Variants in AIFM1 observed in about 807,000 individuals in gnomAD.
AIFM1 encodes apoptosis-inducing factor 1, mitochondrial.
A neutral mutation model predicts 51.7 loss-of-function variants in AIFM1; 3 were observed. That is an observed-to-expected ratio of 0.06 (90% CI 0.03 to 0.15). The LOEUF (loss-of-function observed/expected upper bound fraction) is 0.15. Among genes scored for constraint, AIFM1 ranks in the 10% least tolerant of loss-of-function variants. AIFM1 has a pLI of 1.00. For missense variants in AIFM1, 330 were observed against 476.8 expected, an observed-to-expected ratio of 0.69 and a Z score of 2.87; for synonymous variants, 178 against 179.4, an observed-to-expected ratio of 0.99 and a Z score of 0.06.
chrX:130,137,525 T>C lies in AIFM1; in HGVS notation c.968-340A>G, dbSNP rs935187661. ...TGAAAAGATGCCCTGATTTCATATATCTGAAAAAGAACATTAAGAAAACTA... is the reference window on the plus strand; with the variant it reads ...TGAAAAGATGCCCTGATTTCATATACCTGAAAAAGAACATTAAGAAAACTA... On this transcript the variant is annotated intron_variant, in intron 9 of 15. Coordinates refer to ENST00000287295, the MANE Select transcript of AIFM1 (RefSeq NM_004208.4). The C allele has an allele frequency of 1.7e-6, 2 of 1,164,590 alleles. No homozygotes were observed. Among genetic ancestry groups the C allele is most frequent in the Non-Finnish European group, 2.3e-6 (2 of 872,356 alleles).
chrX:130,158,704 T>TAAAAAAAAAAAAAAAAAA (rs56253125), intron 1 of AIFM1, among the ~76,000 whole-genome samples: 1 of 44,078 alleles, frequency 2.3e-5, no homozygotes, highest in African/African-American at 8.9e-5. Context: ...GCTGATGAGC[T>TAAAAAAAAAAAAAAAAAA]AAAAAAAAAA....
chrX:130,137,280 A>G lies in AIFM1; in HGVS notation c.968-95T>C. The G allele has an allele frequency of 5.8e-6, 7 of 1,201,664 alleles. No homozygotes were observed. In the South Asian group the frequency reaches 8.9e-5, roughly 15 times the overall value. ...AAAGGAGCAGCAGGCAGCCCTCACT[A>G]CAGACAGGGCAGAGCTGCAATCCAG... On this transcript the variant is annotated intron_variant, in intron 9 of 15. Transcript: ENST00000287295.
intron 1 of AIFM1, among the ~76,000 whole-genome samples, chrX:130,156,951 T>A (rs2031186246): frequency 8.9e-6 from 1 of 111,780 alleles, no homozygotes; most frequent in Non-Finnish European, 1.9e-5. Flanking sequence ...TAGGTAGATA[T>A]ACAAAGTTAA....
At chrX:130,152,751 T>A (rs1364620555) in intron 2 of AIFM1, among the ~76,000 whole-genome samples, 3 of 111,743 alleles carry the variant, frequency 2.7e-5, no homozygotes, top group Non-Finnish European at 5.6e-5. Context: ...CTCACATCAA[T>A]GCGAATCAGA....
chrX:130,148,052 A>C, intron 3 of AIFM1, 176 bp from the exon 4 acceptor site: 1 of 564,641 alleles, frequency 1.8e-6, no homozygotes, highest in Non-Finnish European at 2.9e-6. Flanking sequence ...AGGAAAAGCA[A>C]GTATCCCTTT....
intron 6 of AIFM1, among the ~76,000 whole-genome samples, chrX:130,143,344 C>T (rs1477981367): frequency 8.9e-6 from 1 of 112,218 alleles, no homozygotes; most frequent in East Asian, 2.8e-4. Context: ...TGAATTTTAT[C>T]TTCCCCCTTA....
Position 130,150,992 on chromosome X carries a change from AAAAG to A in AIFM1, c.250-1428_250-1425del, listed in dbSNP as rs1382894691. ...GACTCTGTCTCAAAAAAAAAAAAAA[AAAAG>A]AAAAGAAAAACCTACAATGCTTTTG... On this transcript the variant is annotated intron_variant, in intron 2 of 15. Coordinates refer to ENST00000287295, the MANE Select transcript of AIFM1 (RefSeq NM_004208.4). Among the ~76,000 whole-genome samples the A allele has an allele frequency of 1.3e-3, 137 of 104,445 alleles. 1 individual carries two copies. Among genetic ancestry groups the A allele is most frequent in the African/African-American group, 4.6e-3 (130 of 28,334 alleles). 90.7% of individuals were successfully genotyped at this position (104,445 alleles called of 115,157 possible).
chrX:130,145,388 C>G (rs760626026), intron 6 of AIFM1, 91 bp downstream of exon 6: 4 of 693,758 alleles, frequency 5.8e-6, no homozygotes, highest in Non-Finnish European at 9.3e-6. Flanking sequence ...AATGGCAGGA[C>G]AGACATAAAT....
chrX:130,156,326 A>C, intron 2 of AIFM1, 135 bp downstream of exon 2: 1 of 816,308 alleles, frequency 1.2e-6, no homozygotes, highest in South Asian at 2.2e-5. Flanking sequence ...GCAGGCACTT[A>C]AGAGAAGGCT....
chrX:130,158,402 T>G (rs1174562150), intron 1 of AIFM1, among the ~76,000 whole-genome samples: 1 of 112,179 alleles, frequency 8.9e-6, no homozygotes, highest in Non-Finnish European at 1.9e-5. Context: ...AGCAGTGGTT[T>G]TCAAACTTGA....
chrX:130,129,686 C>A, intron 15 of AIFM1, 58 bp from the exon 16 acceptor site: 1 of 1,063,137 alleles, frequency 9.4e-7, no homozygotes, highest in Middle Eastern at 2.5e-4. Flanking sequence ...TCAGGCCATG[C>A]CCACACAATG....
intron 2 of AIFM1, among the ~76,000 whole-genome samples, chrX:130,153,178 C>CAAAAA (rs34591824): frequency 2.3e-5 from 1 of 43,914 alleles, no homozygotes. Flanking sequence ...ACTAAAAATA[C>CAAAAA]AAAAAAAAAA....
At chrX:130,147,433 C>T in intron 5 of AIFM1, 60 bp downstream of exon 5, 1 of 1,203,446 alleles carries the variant, frequency 8.3e-7, no homozygotes, top group Non-Finnish European at 1.1e-6. Flanking sequence ...TGGCAAAATC[C>T]TAACCTATTC....
Position 130,130,143 on chromosome X carries a change from C to T in AIFM1, c.1597G>A (p.Glu533Lys), listed in dbSNP as rs1057517852. The stretch of plus-strand genomic sequence containing the variant: ...ATTTCTGAGGCCTCGGACTCTGTCT[C>T]ACTCTCTGATCGGATACCAGTTCCT... The part of the protein sequence containing the change: ...QSGTGIRSES[E>K]TESEASEITI... Residue 533 changes from glutamate (E) to lysine (K), a missense_variant, in exon 15 of 16, where the codon GAG becomes AAG. Coordinates refer to ENST00000287295, the MANE Select transcript of AIFM1 (RefSeq NM_004208.4). 26 of 1,210,084 alleles carry T rather than the reference C, an allele frequency of 2.1e-5. No individual in the cohort carries two copies. The highest frequency in any genetic ancestry group is 2.7e-5 in the Non-Finnish European group (24 of 895,275).
chrX:130,152,018 G>A (rs1015984614), intron 2 of AIFM1, among the ~76,000 whole-genome samples: 3 of 108,770 alleles, frequency 2.8e-5, no homozygotes, highest in East Asian at 2.8e-4. Context: ...CAGCCTGGGC[G>A]ACAGAGCGAG....
intron 1 of AIFM1, among the ~76,000 whole-genome samples, chrX:130,160,368 C>G (rs996973812): frequency 2.7e-5 from 3 of 111,692 alleles, no homozygotes; most frequent in African/African-American, 9.8e-5. Flanking sequence ...ATCATGGCAG[C>G]AGTTTACTTA....
intron 1 of AIFM1, among the ~76,000 whole-genome samples, chrX:130,162,252 A>C (rs1023104544): frequency 8.9e-6 from 1 of 112,206 alleles, no homozygotes; most frequent in African/African-American, 3.2e-5. Context: ...AAGAGACTCC[A>C]GATTGCTCAG....
chrX:130,164,451 T>C (rs1222049962), intron 1 of AIFM1, among the ~76,000 whole-genome samples: 3 of 112,672 alleles, frequency 2.7e-5, no homozygotes, highest in Admixed American at 9.4e-5. Context: ...CACTTTTTAT[T>C]TTTAAAGCAC....
rs761765345 is a variant in AIFM1 at position 130,130,131 on chromosome X, C to T, written c.1609G>A (p.Glu537Lys). The change falls in exon 15 of 16, where the codon GAG (glutamate) becomes AAG (lysine). Residue 537 changes from glutamate (E) to lysine (K), a missense_variant. Physicochemically the swap from Glu to Lys is moderately conservative, Grantham distance 56. This residue lies in a region of AIFM1 where 56 missense variants were observed against 48.8 expected (regional missense o/e 1.15). Coordinates refer to ENST00000287295, the MANE Select transcript of AIFM1 (RefSeq NM_004208.4). ...GIRSESETES[E>K]ASEITIPPST... ...GGAGGAATAGTAATTTCTGAGGCCTCGGACTCTGTCTCACTCTCTGATCGG... is the reference window on the plus strand; with the variant it reads ...GGAGGAATAGTAATTTCTGAGGCCTTGGACTCTGTCTCACTCTCTGATCGG... 8.8e-5 allele frequency: 107 copies of T among 1,210,035 alleles called. No homozygotes were observed. Among genetic ancestry groups the T allele is most frequent in the Non-Finnish European group, 8.3e-5 (74 of 895,276 alleles).
Sources: allele counts gnomAD v4.1 joint callset (sites outside exome capture counted in the v4.1 genomes callset), GRCh38; gene constraint gnomAD v4.1.1; regional missense constraint gnomAD v4.1.1; transcripts MANE v1.5; gene names NCBI Gene and HGNC (gene_info 2026-07-23, HGNC 2026-07-21).